Variants in ADGRG6 observed in about 807,000 individuals in gnomAD.
The protein encoded by ADGRG6 is adhesion G protein-coupled receptor G6, also known as G-protein coupled receptor 126.
A neutral mutation model predicts 142.4 loss-of-function variants in ADGRG6; 84 were observed. That is an observed-to-expected ratio of 0.59 (90% CI 0.49 to 0.71). ADGRG6 has a LOEUF of 0.71. Ranked by LOEUF, ADGRG6 falls within the 30% of genes least tolerant of loss-of-function variation. The probability of loss-of-function intolerance (pLI) is 0.00; values close to 1 mark genes in which losing one functional copy is unlikely to be tolerated. For missense variants in ADGRG6, 1,367 were observed against 1,466.6 expected (o/e 0.93, Z 1.11); for synonymous variants, 521 against 520.5 (o/e 1.00, Z -0.01).
intron 2 of ADGRG6, among the ~76,000 whole-genome samples, chr6:142,362,195 G>T (rs913978160): frequency 6.6e-6 from 1 of 152,188 alleles, no homozygotes; most frequent in Admixed American, 6.5e-5. Flanking sequence ...GGAAACTTCA[G>T]TTCAACATCT....
At chr6:142,313,579 G>A (rs569998206) in intron 2 of ADGRG6, among the ~76,000 whole-genome samples, 1 of 152,250 alleles carries the variant, frequency 6.6e-6, no homozygotes, top group Non-Finnish European at 1.5e-5. Flanking sequence ...AGCTACCAGG[G>A]GAAATGTTTC....
intron 2 of ADGRG6, among the ~76,000 whole-genome samples, chr6:142,344,921 A>G (rs1397208676): frequency 1.3e-5 from 2 of 152,030 alleles, no homozygotes; most frequent in East Asian, 3.8e-4. Flanking sequence ...ATTAGGAAAT[A>G]AACTGAGTCT....
At chr6:142,354,326 T>C (rs1203324743) in intron 2 of ADGRG6, among the ~76,000 whole-genome samples, 1 of 152,108 alleles carries the variant, frequency 6.6e-6, no homozygotes, top group Non-Finnish European at 1.5e-5. Flanking sequence ...GAGGTTGCAG[T>C]GAACTGAGAT....
chr6:142,433,577 T>C (rs1006614840), intron 22 of ADGRG6, among the ~76,000 whole-genome samples: 23 of 152,208 alleles, frequency 1.5e-4, no homozygotes, highest in Admixed American at 1.5e-3. Context: ...ATTCTGAGTA[T>C]AGAAGAAAAT....
At chr6:142,376,872 G>A (rs562094817) in intron 4 of ADGRG6, among the ~76,000 whole-genome samples, 1 of 152,144 alleles carries the variant, frequency 6.6e-6, no homozygotes, top group Non-Finnish European at 1.5e-5. Flanking sequence ...GCAACTTATT[G>A]TGAGGATTTG....
chr6:142,413,807 T>G (rs577782635), intron 18 of ADGRG6, among the ~76,000 whole-genome samples: 33 of 152,062 alleles, frequency 2.2e-4, no homozygotes, highest in Non-Finnish European at 3.7e-4. Context: ...TCTGCTGAAT[T>G]CCATCACTTC....
chr6:142,399,640 T>C (rs1160055837), intron 10 of ADGRG6, among the ~76,000 whole-genome samples: 1 of 152,224 alleles, frequency 6.6e-6, no homozygotes, highest in Non-Finnish European at 1.5e-5. Context: ...ATTGTTTTTC[T>C]GCAAATGAAT....
chr6:142,303,032 C>G (rs1777304538), intron 1 of ADGRG6, among the ~76,000 whole-genome samples: 1 of 152,138 alleles, frequency 6.6e-6, no homozygotes, highest in South Asian at 2.1e-4. Flanking sequence ...CACAGCGACC[C>G]CATGAAAGGG....
rs567115084 is a variant in ADGRG6 at position 142,388,725 on chromosome 6, A to G, written c.1223-1533A>G. On this transcript the variant is annotated intron_variant, in intron 6 of 24. Coordinates refer to ENST00000367609, the MANE Select transcript of ADGRG6 (RefSeq NM_198569.3). ...ACTTAAAGTGAAAAGTGAAATGGTCATATGGGTACTAGAAGTACAGTTTCC... is the reference window on the plus strand; with the variant it reads ...ACTTAAAGTGAAAAGTGAAATGGTCGTATGGGTACTAGAAGTACAGTTTCC... 2.0e-4 allele frequency among the ~76,000 whole-genome samples: 30 copies of G among 152,194 alleles called. 1 individual carries two copies. In the South Asian group the frequency reaches 5.6e-3, roughly 28 times the overall value.
chr6:142,305,469 C>CACACACACACACAA (rs1777449740), intron 1 of ADGRG6, among the ~76,000 whole-genome samples: 4 of 138,972 alleles, frequency 2.9e-5, no homozygotes, highest in African/African-American at 1.0e-4. Context: ...CACACACACA[C>CACACACACACACAA]AATTTTTTTC....
chr6:142,371,290 G>A lies in ADGRG6; in HGVS notation c.1069+497G>A, dbSNP rs866187950. Among the ~76,000 whole-genome samples, 4 of 147,394 alleles carry A rather than the reference G, an allele frequency of 2.7e-5. No homozygotes were observed. In the South Asian group the frequency reaches 8.4e-4, roughly 31 times the overall value. On this transcript the variant is annotated intron_variant, in intron 4 of 24. Coordinates refer to ENST00000367609, the MANE Select transcript of ADGRG6 (RefSeq NM_198569.3). ...AAATTCTCATGCCTCAGCCTCCCAAGTATCTGGGACCACAGGCGTGCACCA... is the reference window on the plus strand; with the variant it reads ...AAATTCTCATGCCTCAGCCTCCCAAATATCTGGGACCACAGGCGTGCACCA...
chr6:142,436,628 C>A (rs1302246244), intron 22 of ADGRG6, among the ~76,000 whole-genome samples: 1 of 151,852 alleles, frequency 6.6e-6, no homozygotes, highest in Non-Finnish European at 1.5e-5. Flanking sequence ...TTTGTTTGTT[C>A]TTAAAAAAAG....
chr6:142,350,368 T>C (rs1355068156), intron 2 of ADGRG6, among the ~76,000 whole-genome samples: 1 of 152,204 alleles, frequency 6.6e-6, no homozygotes, highest in Non-Finnish European at 1.5e-5. Flanking sequence ...GGCTTTTACA[T>C]TTCAAAAATG....
intron 16 of ADGRG6, 94 bp downstream of exon 16, chr6:142,408,363 C>A: frequency 1.1e-6 from 1 of 931,712 alleles, no homozygotes; most frequent in Non-Finnish European, 1.6e-6. Flanking sequence ...GTAACTGACC[C>A]TTTTTTTGTG....
intron 22 of ADGRG6, among the ~76,000 whole-genome samples, chr6:142,422,072 T>C (rs1196400938): frequency 6.6e-6 from 1 of 152,174 alleles, no homozygotes; most frequent in Non-Finnish European, 1.5e-5. Flanking sequence ...AAAAGAAGCA[T>C]GTAGAATTTA....
chr6:142,331,915 A>C (rs1779082979), intron 2 of ADGRG6, among the ~76,000 whole-genome samples: 1 of 152,194 alleles, frequency 6.6e-6, no homozygotes, highest in Non-Finnish European at 1.5e-5. Flanking sequence ...AATAAATGTT[A>C]TCTCAGAAAA....
At chr6:142,401,384 G>A (rs757334398) in intron 11 of ADGRG6, among the ~76,000 whole-genome samples, 3 of 152,142 alleles carry the variant, frequency 2.0e-5, no homozygotes, top group Non-Finnish European at 2.9e-5. Flanking sequence ...GCAGAGTTAT[G>A]TGAACTCAAA....
chr6:142,403,093 A>C (rs1193306769), intron 13 of ADGRG6, among the ~76,000 whole-genome samples: 1 of 152,008 alleles, frequency 6.6e-6, no homozygotes, highest in East Asian at 1.9e-4. Context: ...AAAATTCTAA[A>C]TTTAGTTTAA....
At chr6:142,373,968 A>G (rs1340777503) in intron 4 of ADGRG6, among the ~76,000 whole-genome samples, 1 of 145,032 alleles carries the variant, frequency 6.9e-6, no homozygotes, top group Admixed American at 7.1e-5. Flanking sequence ...GCAATCTTCT[A>G]ATCTCAGCCT....
Sources: gnomAD v4.1 joint callset for allele counts (sites outside exome capture counted in the v4.1 genomes callset) on GRCh38, gnomAD v4.1.1 for gene constraint, MANE v1.5 for transcripts, NCBI Gene and HGNC (gene_info 2026-07-23, HGNC 2026-07-21) for gene names.